Variants in ZDHHC2 observed in about 807,000 individuals in gnomAD.
ZDHHC2 encodes the protein palmitoyltransferase ZDHHC2.
Under a neutral mutation model 55.6 loss-of-function variants are expected in ZDHHC2, and 51 were observed. The ratio of observed to expected loss-of-function variants is 0.92; its 90% confidence interval spans 0.73 to 1.16. The LOEUF is 1.16. ZDHHC2 is among the 50% of genes most tolerant of loss of function. The pLI is 0.00. For missense variants in ZDHHC2, 491 were observed against 442.4 expected, an observed-to-expected ratio of 1.11 and a Z score of -0.99; for synonymous variants, 199 against 152.9, an observed-to-expected ratio of 1.30 and a Z score of -2.22.
intron 11 of ZDHHC2, among the ~76,000 whole-genome samples, chr8:17,216,712 T>A (rs535189282): frequency 6.6e-6 from 1 of 152,256 alleles, no homozygotes; most frequent in South Asian, 2.1e-4. Flanking sequence ...CTTCGGCATG[T>A]TCGATTAATT....
At chr8:17,175,877 C>G (rs542247693) in intron 1 of ZDHHC2, among the ~76,000 whole-genome samples, 1 of 152,164 alleles carries the variant, frequency 6.6e-6, no homozygotes, top group African/African-American at 2.4e-5. Context: ...AGGAGCCAAG[C>G]GTGGAGTCAG....
At position 17,220,356 on chromosome 8, in the gene ZDHHC2, A is replaced by G. The variant is rs2150954285; in HGVS notation, c.*135A>G. ...GGCTGGAAATGCAGAATATGAATTG[A>G]TTAGTTCTCTCCAAGCCATTGCTTA... On this transcript the variant is annotated 3_prime_UTR_variant, in exon 13 of 13. Coordinates refer to ENST00000262096, the MANE Select transcript of ZDHHC2 (RefSeq NM_016353.5). The G allele has an allele frequency of 6.6e-6, 1 of 152,276 alleles. No individual in the cohort carries two copies. Among genetic ancestry groups the G allele is most frequent in the East Asian group, 1.9e-4 (1 of 5,182 alleles). 9.4% of individuals were successfully genotyped at this position (152,276 alleles called of 1,614,324 possible).
chr8:17,195,744 T>G, intron 4 of ZDHHC2, 120 bp downstream of exon 4: 1 of 1,336,062 alleles, frequency 7.5e-7, no homozygotes, highest in Non-Finnish European at 1.0e-6. Flanking sequence ...GCTGTGTTAT[T>G]TCTTGGATTG....
intron 1 of ZDHHC2, 63 bp downstream of exon 1, chr8:17,156,916 C>T: frequency 1.4e-6 from 2 of 1,398,326 alleles, no homozygotes; most frequent in Non-Finnish European, 1.9e-6. Flanking sequence ...TGTCCCGGGA[C>T]GCTCAGCCGC....
intron 8 of ZDHHC2, among the ~76,000 whole-genome samples, 166 bp downstream of exon 8, chr8:17,208,258 C>T (rs768225109): frequency 2.7e-5 from 4 of 150,466 alleles, no homozygotes; most frequent in Non-Finnish European, 5.9e-5. Flanking sequence ...TACAGGTTTG[C>T]TCATTCCATA....
intron 3 of ZDHHC2, among the ~76,000 whole-genome samples, chr8:17,193,723 G>C (rs1377804946): frequency 6.6e-6 from 1 of 152,194 alleles, no homozygotes; most frequent in South Asian, 2.1e-4. Flanking sequence ...TATTCAGAGT[G>C]TACCTGTTCC....
At chr8:17,168,812 T>A (rs1472214184) in intron 1 of ZDHHC2, among the ~76,000 whole-genome samples, 1 of 152,152 alleles carries the variant, frequency 6.6e-6, no homozygotes, top group Non-Finnish European at 1.5e-5. Flanking sequence ...TGTTGTAGCA[T>A]GTGTCAGAAT....
intron 1 of ZDHHC2, among the ~76,000 whole-genome samples, chr8:17,162,581 G>A (rs905474898): frequency 1.3e-5 from 2 of 152,102 alleles, no homozygotes; most frequent in South Asian, 2.1e-4. Flanking sequence ...AGTAGGGTTC[G>A]TTCAAAAGCA....
chr8:17,198,281 T>G, intron 5 of ZDHHC2, 100 bp from the exon 6 acceptor site: 1 of 1,135,396 alleles, frequency 8.8e-7, no homozygotes, highest in Non-Finnish European at 1.2e-6. Flanking sequence ...ATATTTTACT[T>G]GCCGCAGCTG....
chr8:17,193,058 C>T (rs562224067), intron 3 of ZDHHC2, among the ~76,000 whole-genome samples: 1 of 152,314 alleles, frequency 6.6e-6, no homozygotes, highest in Admixed American at 6.5e-5. Flanking sequence ...GGTTACTCCC[C>T]TACACTAAAC....
At chr8:17,197,821 A>G (rs187639405) in intron 5 of ZDHHC2, among the ~76,000 whole-genome samples, 170 bp downstream of exon 5, 2 of 152,296 alleles carry the variant, frequency 1.3e-5, no homozygotes, top group Admixed American at 6.5e-5. Context: ...AGTGAGGCCT[A>G]AGGCCACAGT....
At chr8:17,214,673 C>T (rs1016372498) in intron 10 of ZDHHC2, among the ~76,000 whole-genome samples, 13 of 152,176 alleles carry the variant, frequency 8.5e-5, no homozygotes, top group Admixed American at 4.6e-4. Flanking sequence ...CTTTGGGAGG[C>T]TAAGGCAGGA....
In ZDHHC2 at chr8:17,211,670, A is replaced by G. The variant is rs1200763284; in HGVS notation, c.950+1190A>G. Among the ~76,000 whole-genome samples the G allele has an allele frequency of 2.6e-5, 4 of 152,208 alleles. No individual in the cohort carries two copies. The East Asian group carries it at 7.7e-4, about 29-fold the overall frequency. On this transcript the variant is annotated intron_variant, in intron 10 of 12. Transcript: ENST00000262096. ...ATATTTAAAATCCTTTTAAATTGTC[A>G]AAAGAGATGAAAGGTATTTGTCACC...
chr8:17,203,910 C>T (rs1243409509), intron 6 of ZDHHC2, among the ~76,000 whole-genome samples: 2 of 150,832 alleles, frequency 1.3e-5, no homozygotes, highest in Non-Finnish European at 2.9e-5. Flanking sequence ...CGGATTCAAG[C>T]GATTGTCCTG....
intron 3 of ZDHHC2, among the ~76,000 whole-genome samples, chr8:17,189,096 T>C (rs1805885597): frequency 6.8e-6 from 1 of 147,536 alleles, no homozygotes; most frequent in Non-Finnish European, 1.5e-5. Flanking sequence ...GGTTTCTTTT[T>C]GTTGGGTTTT....
At chr8:17,178,933 A>G (rs991422522) in intron 1 of ZDHHC2, among the ~76,000 whole-genome samples, 1 of 152,108 alleles carries the variant, frequency 6.6e-6, no homozygotes, top group African/African-American at 2.4e-5. Context: ...GCCTTTTTAT[A>G]TGTTGTCCTA....
At chr8:17,214,560 T>C (rs925301743) in intron 10 of ZDHHC2, among the ~76,000 whole-genome samples, 1 of 152,110 alleles carries the variant, frequency 6.6e-6, no homozygotes, top group Non-Finnish European at 1.5e-5. Context: ...TAAACCAAAG[T>C]TTATACCACT....
chr8:17,181,760 T>C (rs535207657), intron 1 of ZDHHC2, among the ~76,000 whole-genome samples: 1 of 152,302 alleles, frequency 6.6e-6, no homozygotes, highest in Admixed American at 6.5e-5. Flanking sequence ...TGTATTGTTA[T>C]AAATAATCAA....
At chr8:17,210,342 G>A (rs374791606) in intron 9 of ZDHHC2, 46 bp from the exon 10 acceptor site, 80 of 1,572,476 alleles carry the variant, frequency 5.1e-5, no homozygotes, top group African/African-American at 2.9e-4. Context: ...GTTTCACTCC[G>A]TTGTCTTTTG....
Sources: allele counts gnomAD v4.1 joint callset (sites outside exome capture counted in the v4.1 genomes callset), GRCh38; gene constraint gnomAD v4.1.1; transcripts MANE v1.5; gene names NCBI Gene and HGNC (gene_info 2026-07-23, HGNC 2026-07-21).